PHYKPL: variants seen among roughly 807,000 people sequenced by gnomAD.
The protein encoded by PHYKPL is 5-phosphonooxy-L-lysine phospho-lyase.
Under a neutral mutation model 51.3 loss-of-function variants are expected in PHYKPL, and 42 were observed. The ratio of observed to expected loss-of-function variants is 0.82; its 90% CI spans 0.64 to 1.06. The LOEUF (loss-of-function observed/expected upper bound fraction) is 1.06. Among genes scored for constraint, PHYKPL ranks in the 50% least tolerant of loss-of-function variants. The pLI is 0.00. For synonymous variants in PHYKPL, 264 were observed against 236.0 expected, an observed-to-expected ratio of 1.12 and a Z score of -1.09; for missense variants, 655 against 586.6, an observed-to-expected ratio of 1.12 and a Z score of -1.20.
At chr5:178,228,579 T>C (rs1458383891) in intron 3 of PHYKPL, 1 of 702,622 alleles carries the variant, frequency 1.4e-6, no homozygotes, top group Non-Finnish European at 2.6e-6. Flanking sequence ...TTTGAACTGC[T>C]GTTACCCCAC....
chr5:178,211,645 G>A (rs1439688164), intron 12 of PHYKPL: 5 of 462,960 alleles, frequency 1.1e-5, no homozygotes. Context: ...AAGAGGCAAG[G>A]GTGGGTTGGG....
intron 11 of PHYKPL, 60 bp from the exon 12 acceptor site, chr5:178,212,030 T>TTGAC (rs1758613522): frequency 6.4e-7 from 1 of 1,572,566 alleles, no homozygotes; most frequent in Non-Finnish European, 8.7e-7. Flanking sequence ...AGATGCCCTG[T>TTGAC]TGACTTCAGT....
Position 178,229,951 on chromosome 5 carries a change from GA to G in PHYKPL, c.326del (p.Phe109SerfsTer2), listed in dbSNP as rs1468284902. The G allele has an allele frequency of 1.2e-6, 2 of 1,613,482 alleles. No individual in the cohort carries two copies. The highest frequency in any genetic ancestry group is 1.7e-5 in the Admixed American group (1 of 59,996). Reference sequence around the variant, plus strand: ...CACAGTCCACTTACCCAGAATTCAGGAAATAGAACACACAGAGCTGCTCCGG... The same window carrying G: ...CACAGTCCACTTACCCAGAATTCAGGAATAGAACACACAGAGCTGCTCCGG... ...TLPEQLCVFY[F>X]LNSGSEANDL... On this transcript the variant is annotated frameshift_variant, in exon 3 of 13. Coordinates refer to ENST00000308158, the MANE Select transcript of PHYKPL (RefSeq NM_153373.4). LOFTEE classifies it high-confidence loss of function.
At chr5:178,215,455 C>G (rs549479097) in intron 8 of PHYKPL, 25 bp from the exon 9 acceptor site, 1 of 1,594,692 alleles carries the variant, frequency 6.3e-7, no homozygotes, top group Non-Finnish European at 8.6e-7. Flanking sequence ...AAGAACATGT[C>G]AGATGCCCTG....
chr5:178,214,329 C>T (rs530370357), intron 10 of PHYKPL, among the ~76,000 whole-genome samples: 1 of 152,096 alleles, frequency 6.6e-6, no homozygotes, highest in East Asian at 1.9e-4. Flanking sequence ...TTCTGAGACA[C>T]CCCCGACCCA....
Position 178,210,471 on chromosome 5 carries a change from G to A in PHYKPL, c.*31+1419C>T, listed in dbSNP as rs891248632. 12 of 1,503,874 alleles carry A rather than the reference G, an allele frequency of 8.0e-6. No individual in the cohort carries two copies. In the East Asian group the frequency reaches 9.1e-5, roughly 11 times the overall value. The allele number at this position is 1,503,874 out of a possible 1,614,324, so 93.2% of individuals were successfully genotyped here. On this transcript the variant is annotated intron_variant, in intron 12 of 12. Transcript: ENST00000308158. The stretch of plus-strand genomic sequence containing the variant: ...GTCTCTGCTGTCACGGCTGGTGAGG[G>A]TCCTGGGAAGATGCATATCAAGCGC...
intron 2 of PHYKPL, chr5:178,230,343 A>G: frequency 6.0e-6 from 3 of 498,966 alleles, no homozygotes; most frequent in South Asian, 2.5e-5. Flanking sequence ...TAGAAAGCCC[A>G]TGTCTTTAAG....
chr5:178,217,040 C>T (rs1330471805), intron 8 of PHYKPL: 2 of 152,036 alleles, frequency 1.3e-5, no homozygotes, highest in Non-Finnish European at 2.9e-5. Flanking sequence ...ACAGAAACAA[C>T]CCCAAAACCA....
Position 178,225,273 on chromosome 5 carries a change from G to A in PHYKPL, c.413+82C>T, listed in dbSNP as rs547843198. The A allele has an allele frequency of 7.3e-5, 112 of 1,526,886 alleles. 1 individual carries two copies. In the South Asian group the frequency reaches 1.1e-3, roughly 16 times the overall value. The allele number at this position is 1,526,886 out of a possible 1,614,324, so 94.6% of individuals were successfully genotyped here. On this transcript the variant is annotated intron_variant, in intron 4 of 12. Coordinates refer to ENST00000308158, the MANE Select transcript of PHYKPL (RefSeq NM_153373.4). ...AGGCCCCTTATCCTCCCTGCCTAAG[G>A]CACCCAGAGTCAGTCTCACGGATCA...
intron 8 of PHYKPL, 125 bp from the exon 9 acceptor site, chr5:178,215,555 C>G (rs1561693770): frequency 4.2e-6 from 5 of 1,178,302 alleles, no homozygotes; most frequent in Non-Finnish European, 3.5e-6. Flanking sequence ...GGCCCCAAAC[C>G]CCTTAGGGCG....
chr5:178,209,631 G>A (rs1460405631), intron 12 of PHYKPL, among the ~76,000 whole-genome samples: 1 of 152,180 alleles, frequency 6.6e-6, no homozygotes. Context: ...GCCTGCTGCT[G>A]CCCCTTGGAA....
intron 12 of PHYKPL, among the ~76,000 whole-genome samples, chr5:178,209,607 T>C (rs998177252): frequency 6.6e-6 from 1 of 152,196 alleles, no homozygotes; most frequent in Non-Finnish European, 1.5e-5. Flanking sequence ...CAGGGCTGTA[T>C]GCTTGAGGCT....
Position 178,215,382 on chromosome 5 carries a change from C to CA in PHYKPL, c.975dup (p.Val326CysfsTer50). On this transcript the variant is annotated frameshift_variant, in exon 9 of 13. Transcript: ENST00000308158. LOFTEE classifies it high-confidence loss of function. The stretch of plus-strand genomic sequence containing the variant: ...TCCTGGAGCTGCTCCTTCTCCAAGA[C>CA]ATTCAGGACGGCCAGCCCCACAGCG... The CA allele has an allele frequency of 6.2e-7, 1 of 1,614,022 alleles. No homozygotes were observed.
chr5:178,232,491 C>T lies in PHYKPL; in HGVS notation c.59+1G>A, dbSNP rs997541817. ...CCGCCGCCCGCCCCCCGCCCGGGTA[C>T]CTGATGAGCCGTTGCCTCAGGGCCA... On this transcript the variant is annotated splice_donor_variant, in intron 1 of 12. Transcript: ENST00000308158. LOFTEE classifies it high-confidence loss of function. 5.9e-6 allele frequency: 8 copies of T among 1,356,972 alleles called. No homozygotes were observed. Among genetic ancestry groups the T allele is most frequent in the Non-Finnish European group, 7.5e-6 (8 of 1,063,754 alleles). 84.1% of individuals were successfully genotyped at this position (1,356,972 alleles called of 1,614,324 possible). A position where few individuals can be genotyped will look rare whatever the true frequency, so the allele number is the denominator to read the frequency against.
chr5:178,225,310 G>A (rs1206984392), intron 4 of PHYKPL, 45 bp downstream of exon 4: 1 of 1,608,476 alleles, frequency 6.2e-7, no homozygotes, highest in Non-Finnish European at 8.5e-7. Context: ...CAAGAAGCCT[G>A]TGGGCCAGGC....
At chr5:178,231,686 C>G in intron 1 of PHYKPL, 163 bp from the exon 2 acceptor site, 1 of 1,565,132 alleles carries the variant, frequency 6.4e-7, no homozygotes, top group South Asian at 1.2e-5. Context: ...CTCCACTCCA[C>G]AGGTGGTTGC....
chr5:178,210,926 C>T (rs1758122105), intron 12 of PHYKPL: 1 of 410,472 alleles, frequency 2.4e-6, no homozygotes, highest in East Asian at 4.5e-5. Flanking sequence ...GACCTGTGGA[C>T]CCTGGTTGTA....
intron 1 of PHYKPL, chr5:178,231,853 A>G (rs868282594): frequency 3.0e-6 from 4 of 1,340,254 alleles, no homozygotes; most frequent in Middle Eastern, 4.4e-4. Flanking sequence ...TGGGGACTCC[A>G]TAAGGCCGCG....
Position 178,232,561 on chromosome 5 carries a change from C to A in PHYKPL, c.-11G>T. On this transcript the variant is annotated 5_prime_UTR_variant, in exon 1 of 13. Coordinates refer to ENST00000308158, the MANE Select transcript of PHYKPL (RefSeq NM_153373.4). ...CTGGTCTGCGGCCATGGTGGGTGGC[C>A]GTCAGTCGGTGCCGTGACGCCACGC... The A allele has an allele frequency of 7.8e-7, 1 of 1,278,932 alleles. No homozygotes were observed. Among genetic ancestry groups the A allele is most frequent in the Non-Finnish European group, 9.8e-7 (1 of 1,016,076 alleles). 79.2% of individuals were successfully genotyped at this position (1,278,932 alleles called of 1,614,324 possible).
Sources: gnomAD v4.1 joint callset for allele counts (sites outside exome capture counted in the v4.1 genomes callset) on GRCh38, gnomAD v4.1.1 for gene constraint, MANE v1.5 for transcripts, NCBI Gene and HGNC (gene_info 2026-07-23, HGNC 2026-07-21) for gene names.